GRIN3A: variants seen among roughly 807,000 people sequenced by gnomAD.
GRIN3A encodes the protein glutamate ionotropic receptor NMDA type subunit 3A, also known as glutamate receptor ionotropic, NMDA 3A.
A neutral mutation model predicts 92.4 loss-of-function variants in GRIN3A; 47 were observed. The ratio of observed to expected loss-of-function variants is 0.51; its 90% CI spans 0.40 to 0.65. The LOEUF (loss-of-function observed/expected upper bound fraction) is 0.65. GRIN3A is among the 30% of genes least tolerant of loss of function. The pLI, the probability that GRIN3A is intolerant of heterozygous loss-of-function variation, is 0.00. For synonymous variants in GRIN3A, 527 were observed against 540.6 expected, an observed-to-expected ratio of 0.97 and a Z score of 0.35; for missense variants, 1,324 against 1,393.1, an observed-to-expected ratio of 0.95 and a Z score of 0.79.
chr9:101,608,687 A>G (rs1378912300), intron 6 of GRIN3A, among the ~76,000 whole-genome samples: 1 of 152,208 alleles, frequency 6.6e-6, no homozygotes, highest in Non-Finnish European at 1.5e-5. Context: ...TAAAGTATAT[A>G]TGACTATCTC....
At chr9:101,663,612 A>G (rs1226077617) in intron 3 of GRIN3A, among the ~76,000 whole-genome samples, 1 of 151,932 alleles carries the variant, frequency 6.6e-6, no homozygotes, top group East Asian at 2.0e-4. Flanking sequence ...ACAAGCTGTT[A>G]TATGACAATC....
intron 5 of GRIN3A, among the ~76,000 whole-genome samples, chr9:101,616,920 G>A (rs1828464337): frequency 6.7e-6 from 1 of 149,402 alleles, no homozygotes; most frequent in Non-Finnish European, 1.5e-5. Flanking sequence ...GAACAAAAGG[G>A]CCGGGCGCAG....
intron 3 of GRIN3A, among the ~76,000 whole-genome samples, chr9:101,646,368 G>A (rs1001989162): frequency 4.6e-5 from 7 of 151,522 alleles, no homozygotes; most frequent in African/African-American, 1.2e-4. Context: ...CACTGTTTAC[G>A]CAAGGTTTAT....
intron 5 of GRIN3A, among the ~76,000 whole-genome samples, chr9:101,618,008 T>C (rs931735640): frequency 6.6e-6 from 1 of 152,012 alleles, no homozygotes; most frequent in Admixed American, 6.6e-5. Context: ...TAGTATTCCA[T>C]GGTGTATATG....
At chr9:101,671,983 G>T (rs1045531588) in intron 2 of GRIN3A, among the ~76,000 whole-genome samples, 3 of 152,166 alleles carry the variant, frequency 2.0e-5, no homozygotes, top group Admixed American at 1.3e-4. Flanking sequence ...CTTGGTCTTA[G>T]CCTATGTCTT....
At chr9:101,708,481 T>C (rs996682537) in intron 1 of GRIN3A, among the ~76,000 whole-genome samples, 2 of 152,156 alleles carry the variant, frequency 1.3e-5, no homozygotes, top group African/African-American at 2.4e-5. Context: ...GAAAGCACTA[T>C]ATGAAAGGAG....
intron 5 of GRIN3A, among the ~76,000 whole-genome samples, chr9:101,623,046 T>A (rs1294655146): frequency 6.7e-6 from 1 of 149,240 alleles, no homozygotes; most frequent in Non-Finnish European, 1.5e-5. Context: ...TAAAATTTAT[T>A]ACACTGTGCC....
chr9:101,590,529 G>A (rs139715851), intron 6 of GRIN3A, among the ~76,000 whole-genome samples: 21,111 of 151,678 alleles, frequency 0.14, 1,631 homozygotes, highest in East Asian at 0.17. Context: ...TTACAGGCAC[G>A]TGCCACCACG....
intron 3 of GRIN3A, among the ~76,000 whole-genome samples, chr9:101,660,814 T>A (rs924854159): frequency 6.6e-6 from 1 of 151,704 alleles, no homozygotes; most frequent in African/African-American, 2.4e-5. Flanking sequence ...TAAGAATGAT[T>A]TTGAAAGGTC....
intron 6 of GRIN3A, chr9:101,601,177 A>G (rs1014326347): frequency 6.6e-6 from 1 of 152,226 alleles, no homozygotes; most frequent in Non-Finnish European, 1.5e-5. Flanking sequence ...ACAGGTGTAG[A>G]TATTAGCAAG....
intron 1 of GRIN3A, among the ~76,000 whole-genome samples, chr9:101,707,869 G>T (rs1204264991): frequency 6.6e-6 from 1 of 152,106 alleles, no homozygotes; most frequent in Non-Finnish European, 1.5e-5. Flanking sequence ...TAATGTTTCT[G>T]CTAGGGAGGG....
intron 6 of GRIN3A, among the ~76,000 whole-genome samples, chr9:101,581,319 A>T (rs1827883877): frequency 6.6e-6 from 1 of 152,228 alleles, no homozygotes; most frequent in Non-Finnish European, 1.5e-5. Context: ...GGACAGTGGT[A>T]TAGTGTTGTG....
chr9:101,719,163 A>T (rs978747529), intron 1 of GRIN3A, among the ~76,000 whole-genome samples: 2 of 152,138 alleles, frequency 1.3e-5, no homozygotes, highest in Non-Finnish European at 2.9e-5. Context: ...TCATGCCTGA[A>T]ATCCCAGCAC....
At chr9:101,716,729 T>G (rs1170031471) in intron 1 of GRIN3A, among the ~76,000 whole-genome samples, 1 of 152,214 alleles carries the variant, frequency 6.6e-6, no homozygotes, top group Non-Finnish European at 1.5e-5. Flanking sequence ...CTTGTCTGCT[T>G]TACAAATCCC....
At position 101,573,013 on chromosome 9, in the gene GRIN3A, C is replaced by T; in HGVS notation, c.*161G>A. On this transcript the variant is annotated 3_prime_UTR_variant, in exon 9 of 9. Coordinates refer to ENST00000361820, the MANE Select transcript of GRIN3A (RefSeq NM_133445.3). Reference sequence around the variant, plus strand: ...ACCTAGAGAGTGAGCTTGAGAGGAGCTGCTGCTGCACTTTAGGCGAGGGAG... The same window carrying T: ...ACCTAGAGAGTGAGCTTGAGAGGAGTTGCTGCTGCACTTTAGGCGAGGGAG... 1.5e-6 allele frequency: 1 copy of T among 654,704 alleles called. No individual in the cohort carries two copies. The highest frequency in any genetic ancestry group is 1.7e-5 in the South Asian group (1 of 57,160). 40.6% of individuals were successfully genotyped at this position (654,704 alleles called of 1,614,324 possible).
At chr9:101,652,257 G>C (rs140378426) in intron 3 of GRIN3A, among the ~76,000 whole-genome samples, 9 of 152,038 alleles carry the variant, frequency 5.9e-5, no homozygotes, top group African/African-American at 2.2e-4. Flanking sequence ...TTTCTGACTT[G>C]AAACAGGATT....
chr9:101,677,877 C>T (rs1829419904), intron 2 of GRIN3A, among the ~76,000 whole-genome samples: 1 of 152,138 alleles, frequency 6.6e-6, no homozygotes, highest in African/African-American at 2.4e-5. Context: ...TCTCCTCTTA[C>T]TATCCTAAAG....
At chr9:101,672,652 A>G (rs1829343410) in intron 2 of GRIN3A, among the ~76,000 whole-genome samples, 1 of 152,192 alleles carries the variant, frequency 6.6e-6, no homozygotes, top group Non-Finnish European at 1.5e-5. Context: ...ACATAGAAAA[A>G]TCAGAAAGTG....
intron 6 of GRIN3A, among the ~76,000 whole-genome samples, chr9:101,589,439 A>G (rs1588237920): frequency 6.6e-6 from 1 of 152,302 alleles, no homozygotes; most frequent in East Asian, 1.9e-4. Flanking sequence ...CAATGCCTAG[A>G]AGGCTTCTAT....
Sources: allele counts gnomAD v4.1 joint callset (sites outside exome capture counted in the v4.1 genomes callset), GRCh38; gene constraint gnomAD v4.1.1; transcripts MANE v1.5; gene names NCBI Gene and HGNC (gene_info 2026-07-23, HGNC 2026-07-21).